Variants in ZHX3 observed in about 807,000 individuals in gnomAD.
The protein encoded by ZHX3 is zinc fingers and homeoboxes 3.
A neutral mutation model predicts 64.5 loss-of-function variants in ZHX3; 20 were observed. The observed-to-expected ratio is 0.31, with a 90% confidence interval of 0.22 to 0.45. The LOEUF (loss-of-function observed/expected upper bound fraction) is 0.45. Ranked by LOEUF, ZHX3 falls within the 20% of genes least tolerant of loss-of-function variation. ZHX3 has a pLI of 1.00. For missense variants in ZHX3, 1,041 were observed against 1,195.8 expected (o/e 0.87, Z 1.91); for synonymous variants, 423 against 461.6 (o/e 0.92, Z 1.07).
intron 1 of ZHX3, among the ~76,000 whole-genome samples, chr20:41,277,774 G>T (rs371865951): frequency 7.3e-6 from 1 of 136,310 alleles, no homozygotes; most frequent in African/African-American, 2.8e-5. Flanking sequence ...TGTATTTTTA[G>T]TAGAGACGGG....
intron 1 of ZHX3, among the ~76,000 whole-genome samples, chr20:41,297,176 T>C (rs2044574426): frequency 6.6e-6 from 1 of 152,196 alleles, no homozygotes; most frequent in Non-Finnish European, 1.5e-5. Context: ...AGTTCTGGGG[T>C]TTCAGATTGA....
chr20:41,204,819 A>C lies in ZHX3; in HGVS notation c.98T>G (p.Leu33Trp). ...ASMEAQPAET[L>W]PEGPQQDLPP... Reference sequence around the variant, plus strand: ...CAGATCCTGCTGGGGTCCTTCAGGCAAGGTCTCAGCGGGCTGGGCCTCCAT... The same window carrying C: ...CAGATCCTGCTGGGGTCCTTCAGGCCAGGTCTCAGCGGGCTGGGCCTCCAT... Residue 33 changes from leucine to tryptophan, a missense_variant, in exon 3 of 4, where the codon TTG (leucine) becomes TGG (tryptophan). Transcript: ENST00000683867. This position sits in a 1 kb window ranked among gnomAD's most constrained non-coding sequence, Gnocchi z 6.6. 6.2e-7 allele frequency: 1 copy of C among 1,611,574 alleles called. No homozygotes were observed. Among genetic ancestry groups the C allele is most frequent in the South Asian group, 1.1e-5 (1 of 90,810 alleles).
rs187288137 is a variant in ZHX3 at position 41,249,152 on chromosome 20, A to T, written c.-151+19838T>A. On this transcript the variant is annotated intron_variant, in intron 2 of 3. Transcript: ENST00000683867. ...AGATGACCTCAAATTCCTCATTCAC[A>T]AATGGAAAATGTTAAAAACTTTCTT... Among the ~76,000 whole-genome samples, 61 of 152,302 alleles carry T rather than the reference A, an allele frequency of 4.0e-4. No homozygotes were observed. In the East Asian group the frequency reaches 0.01, roughly 26 times the overall value.
At chr20:41,186,885 G>A (rs1048524255) in intron 3 of ZHX3, among the ~76,000 whole-genome samples, 2 of 152,196 alleles carry the variant, frequency 1.3e-5, no homozygotes, top group Non-Finnish European at 2.9e-5. Flanking sequence ...CTTATCAGAT[G>A]TATGATTTTC....
intron 1 of ZHX3, among the ~76,000 whole-genome samples, chr20:41,269,929 C>A (rs1287345362): frequency 6.6e-6 from 1 of 151,792 alleles, no homozygotes; most frequent in Non-Finnish European, 1.5e-5. Context: ...CTTCTTAACA[C>A]CAGCATCTTA....
chr20:41,236,702 T>C (rs1044730208), intron 2 of ZHX3, among the ~76,000 whole-genome samples: 1 of 152,158 alleles, frequency 6.6e-6, no homozygotes, highest in African/African-American at 2.4e-5. Context: ...ATTCAGGACA[T>C]AGGCATGGGC....
At chr20:41,242,919 A>G (rs2041474477) in intron 2 of ZHX3, among the ~76,000 whole-genome samples, 1 of 152,190 alleles carries the variant, frequency 6.6e-6, no homozygotes, top group African/African-American at 2.4e-5. Flanking sequence ...GGAAAAAGCT[A>G]AATGTCTTAT....
At chr20:41,299,036 G>A (rs574110595) in intron 1 of ZHX3, among the ~76,000 whole-genome samples, 1 of 152,300 alleles carries the variant, frequency 6.6e-6, no homozygotes, top group East Asian at 1.9e-4. Context: ...CTTCCTACCT[G>A]AAAGTCTGCA....
intron 2 of ZHX3, among the ~76,000 whole-genome samples, chr20:41,230,428 T>G (rs2040533138): frequency 6.6e-6 from 1 of 152,176 alleles, no homozygotes; most frequent in Non-Finnish European, 1.5e-5. Flanking sequence ...AATTGAGGCT[T>G]CTGAGTCAGG....
At chr20:41,206,825 C>T (rs747223337) in intron 2 of ZHX3, among the ~76,000 whole-genome samples, 1 of 152,126 alleles carries the variant, frequency 6.6e-6, no homozygotes, top group Non-Finnish European at 1.5e-5. Flanking sequence ...TCGAGAAGAG[C>T]AACTCCAAAA....
intron 3 of ZHX3, among the ~76,000 whole-genome samples, chr20:41,193,732 G>T (rs1193875390): frequency 6.7e-6 from 1 of 149,646 alleles, no homozygotes; most frequent in African/African-American, 2.5e-5. Context: ...TTTTGAGAAG[G>T]AGTCTCGCTC....
chr20:41,211,902 A>T (rs1418431153), intron 2 of ZHX3, among the ~76,000 whole-genome samples: 1 of 152,236 alleles, frequency 6.6e-6, no homozygotes, highest in Non-Finnish European at 1.5e-5. Flanking sequence ...ATTTTAAATC[A>T]AGTGCTTTAT....
At chr20:41,278,364 A>T (rs2043496922) in intron 1 of ZHX3, among the ~76,000 whole-genome samples, 1 of 139,032 alleles carries the variant, frequency 7.2e-6, no homozygotes, top group Non-Finnish European at 1.6e-5. Context: ...AAAAAAGATT[A>T]TAGTTGGGGG....
rs1363662255 is a variant in ZHX3, at chr20:41,219,943, C to T, written c.-150-14877G>A. Among the ~76,000 whole-genome samples, 1 of 152,248 alleles carries T rather than the reference C, an allele frequency of 6.6e-6. No homozygotes were observed. Among genetic ancestry groups the T allele is most frequent in the African/African-American group, 2.4e-5 (1 of 41,462 alleles). ...TCCTAAAAGAAGAACAATAGCTGAC[C>T]TGCCATGTACATGCAGTATGAACAA... is the stretch of plus-strand genomic sequence containing the variant. On this transcript the variant is annotated intron_variant, in intron 2 of 3. Transcript: ENST00000683867. The surrounding 1 kb of genome is among the most constrained non-coding windows in gnomAD (Gnocchi z 5.0).
At chr20:41,299,730 C>T (rs2044722047) in intron 1 of ZHX3, among the ~76,000 whole-genome samples, 1 of 151,992 alleles carries the variant, frequency 6.6e-6, no homozygotes, top group Non-Finnish European at 1.5e-5. Context: ...GGCATGGTGG[C>T]AGGCACCTGT....
chr20:41,202,463 T>G lies in ZHX3; in HGVS notation c.2454A>C (p.Ala818=), dbSNP rs768520980. ...VVRWFGDSRY[A]LKNGQLKWYE... ...ACCATTTGAGTTGGCCGTTCTTCAG[T>G]GCGTACCTGCTATCTCCAAACCAGC... Residue 818 remains alanine, a synonymous_variant, in exon 3 of 4, where the codon GCA becomes GCC. Coordinates refer to ENST00000683867, the MANE Select transcript of ZHX3 (RefSeq NM_001384317.1). The surrounding 1 kb of genome is among the most constrained non-coding windows in gnomAD (Gnocchi z 7.0). The G allele has an allele frequency of 4.2e-5, 67 of 1,614,078 alleles. No individual in the cohort carries two copies. The highest frequency in any genetic ancestry group is 5.1e-5 in the Non-Finnish European group (60 of 1,180,044).
intron 3 of ZHX3, chr20:41,196,843 G>A (rs1480335960): frequency 6.0e-6 from 1 of 166,750 alleles, no homozygotes; most frequent in Non-Finnish European, 1.3e-5. Flanking sequence ...AAGACATTAT[G>A]ACTCTGAAGA....
intron 2 of ZHX3, among the ~76,000 whole-genome samples, chr20:41,233,338 G>A (rs2040753883): frequency 6.6e-6 from 1 of 152,156 alleles, no homozygotes; most frequent in African/African-American, 2.4e-5. Flanking sequence ...CCAAATCCCA[G>A]CCGGCCACTT....
At chr20:41,275,805 G>A (rs1343572509) in intron 1 of ZHX3, among the ~76,000 whole-genome samples, 5 of 152,212 alleles carry the variant, frequency 3.3e-5, no homozygotes, top group South Asian at 2.1e-4. Context: ...TCTTCAACAC[G>A]CTAACTGAAT....
Sources: allele counts gnomAD v4.1 joint callset (sites outside exome capture counted in the v4.1 genomes callset), GRCh38; gene constraint gnomAD v4.1.1; non-coding constraint Gnocchi (gnomAD v3.1); transcripts MANE v1.5; gene names NCBI Gene and HGNC (gene_info 2026-07-23, HGNC 2026-07-21).